DNER: variants seen among roughly 807,000 people sequenced by gnomAD.
DNER encodes delta/notch like EGF repeat containing, also known as delta and Notch-like epidermal growth factor-related receptor.
In DNER, 33 loss-of-function variants were observed where a neutral mutation model predicts 78.2. That is an observed-to-expected ratio of 0.42 (90% CI 0.32 to 0.56). The LOEUF (loss-of-function observed/expected upper bound fraction) is 0.56. DNER is among the 20% of genes least tolerant of loss of function. The pLI, the probability that DNER is intolerant of heterozygous loss-of-function variation, is 0.11. For missense variants in DNER, 918 were observed against 975.3 expected, an observed-to-expected ratio of 0.94 and a Z score of 0.78; for synonymous variants, 417 against 384.8, an observed-to-expected ratio of 1.08 and a Z score of -0.98.
intron 1 of DNER, among the ~76,000 whole-genome samples, chr2:229,656,886 A>C (rs1398660455): frequency 6.6e-6 from 1 of 152,208 alleles, no homozygotes; most frequent in African/African-American, 2.4e-5. Flanking sequence ...AAAATTGTAT[A>C]TATTTGAAGT....
At chr2:229,542,867 T>C (rs1696543504) in intron 5 of DNER, among the ~76,000 whole-genome samples, 1 of 151,744 alleles carries the variant, frequency 6.6e-6, no homozygotes, top group Admixed American at 6.6e-5. Flanking sequence ...AACTTAACAG[T>C]GTGCGCCAAG....
rs376723054 is a variant in DNER, at chr2:229,388,386, G to T, written c.1734C>A (p.Cys578Ter). ...TGTCACATTCATTTATGTCAATGTC[G>T]CACTCTTCACCTAGGGAGATAAGAA... ...ICAPGFTGEE[C>*]DIDINECDSN... The change falls in exon 11 of 13, where the codon TGC (cysteine) becomes TGA (stop). Residue 578 changes from cysteine to a stop codon, truncating the protein, a stop_gained. Coordinates refer to ENST00000341772, the MANE Select transcript of DNER (RefSeq NM_139072.4). LOFTEE classifies it high-confidence loss of function. 6.2e-7 allele frequency: 1 copy of T among 1,608,494 alleles called. No individual in the cohort carries two copies. The highest frequency in any genetic ancestry group is 8.5e-7 in the Non-Finnish European group (1 of 1,177,332).
At chr2:229,517,589 T>C (rs766550160) in intron 5 of DNER, among the ~76,000 whole-genome samples, 19 of 152,160 alleles carry the variant, frequency 1.2e-4, no homozygotes, top group Non-Finnish European at 2.1e-4. Context: ...CAGAAACCAG[T>C]GTCGCTAGAG....
intron 7 of DNER, among the ~76,000 whole-genome samples, chr2:229,456,557 G>C (rs1450436671): frequency 6.6e-6 from 1 of 151,848 alleles, no homozygotes; most frequent in Non-Finnish European, 1.5e-5. Flanking sequence ...TTACACTTCT[G>C]GTCACATGGC....
chr2:229,602,650 C>T (rs887809102), intron 1 of DNER, among the ~76,000 whole-genome samples: 4 of 152,142 alleles, frequency 2.6e-5, no homozygotes, highest in African/African-American at 4.8e-5. Context: ...AAATATTTTG[C>T]ATCTCCATGT....
chr2:229,681,783 T>C (rs1351579773), intron 1 of DNER, among the ~76,000 whole-genome samples: 1 of 150,750 alleles, frequency 6.6e-6, no homozygotes, highest in East Asian at 2.0e-4. Flanking sequence ...TCAAATTCAG[T>C]GGAGTTCATT....
At chr2:229,434,681 G>A (rs1035854242) in intron 8 of DNER, among the ~76,000 whole-genome samples, 25 of 152,080 alleles carry the variant, frequency 1.6e-4, no homozygotes, top group Non-Finnish European at 2.6e-4. Context: ...GAATATATAT[G>A]TTAATAACCT....
At chr2:229,617,357 A>G (rs1698184025) in intron 1 of DNER, among the ~76,000 whole-genome samples, 2 of 152,208 alleles carry the variant, frequency 1.3e-5, no homozygotes, top group Admixed American at 1.3e-4. Context: ...TTAAAACCTC[A>G]TCACCTGTGA....
chr2:229,357,996 A>G lies in DNER; in HGVS notation c.*544T>C, dbSNP rs1692127044. 1 of 152,682 alleles carries G rather than the reference A, an allele frequency of 6.5e-6. No homozygotes were observed. Among genetic ancestry groups the G allele is most frequent in the East Asian group, 1.9e-4 (1 of 5,204 alleles). 9.5% of individuals were successfully genotyped at this position (152,682 alleles called of 1,614,324 possible). A position where few individuals can be genotyped will look rare whatever the true frequency, so the allele number is the denominator to read the frequency against. The stretch of plus-strand genomic sequence containing the variant: ...AAAGAATGTTTCCACAAAGTTCAAC[A>G]AAACAGTGCAGAAATAAGTTACTTA... On this transcript the variant is annotated 3_prime_UTR_variant, in exon 13 of 13. Coordinates refer to ENST00000341772, the MANE Select transcript of DNER (RefSeq NM_139072.4).
intron 7 of DNER, among the ~76,000 whole-genome samples, chr2:229,476,807 T>A (rs995937670): frequency 1.9e-4 from 29 of 149,020 alleles, no homozygotes; most frequent in African/African-American, 7.1e-4. Flanking sequence ...TTGTGTTGAA[T>A]TTTTAAATGT....
intron 5 of DNER, among the ~76,000 whole-genome samples, chr2:229,545,788 T>C (rs1250334129): frequency 3.9e-5 from 6 of 152,188 alleles, no homozygotes; most frequent in African/African-American, 1.4e-4. Flanking sequence ...GTGTTTCTGA[T>C]GCCGGCTCCA....
At chr2:229,650,418 T>C (rs1698795286) in intron 1 of DNER, among the ~76,000 whole-genome samples, 1 of 152,182 alleles carries the variant, frequency 6.6e-6, no homozygotes. Context: ...GGAAAAGGTT[T>C]TGCAAATGAA....
At chr2:229,604,571 G>A (rs1039017554) in intron 1 of DNER, among the ~76,000 whole-genome samples, 1 of 152,144 alleles carries the variant, frequency 6.6e-6, no homozygotes, top group African/African-American at 2.4e-5. Context: ...GGGAGGCTTT[G>A]GGTTGATCCG....
chr2:229,608,179 C>T (rs1250072762), intron 1 of DNER, among the ~76,000 whole-genome samples: 1 of 152,066 alleles, frequency 6.6e-6, no homozygotes, highest in Non-Finnish European at 1.5e-5. Flanking sequence ...TTTTGTAGGA[C>T]AATGTTAAAA....
rs556107048 is a variant in DNER at position 229,450,903 on chromosome 2, A to G, written c.1262-3363T>C. Reference sequence around the variant, plus strand: ...TCCTTGGTCACAGCAGCCTGAGAAGACTCATACAAATAGGGAGCATAAGGA... The same window carrying G: ...TCCTTGGTCACAGCAGCCTGAGAAGGCTCATACAAATAGGGAGCATAAGGA... On this transcript the variant is annotated intron_variant, in intron 7 of 12. Transcript: ENST00000341772. 7.9e-5 allele frequency among the ~76,000 whole-genome samples: 12 copies of G among 152,238 alleles called. No homozygotes were observed. In the East Asian group the frequency reaches 2.1e-3, roughly 27 times the overall value.
rs145551897 is a variant in DNER at position 229,621,312 on chromosome 2, G to A, written c.277-29424C>T. Among the ~76,000 whole-genome samples, 284 of 152,234 alleles carry A rather than the reference G, an allele frequency of 1.9e-3. 2 individuals are homozygous for A. Among genetic ancestry groups the A allele is most frequent in the Non-Finnish European group, 2.5e-3 (172 of 68,034 alleles). On this transcript the variant is annotated intron_variant, in intron 1 of 12. Coordinates refer to ENST00000341772, the MANE Select transcript of DNER (RefSeq NM_139072.4). ...AAGTAGAATCTTCCTAAAGCACAGC[G>A]TTGAAAATTGTATTCACCTGCTGAG... is the stretch of plus-strand genomic sequence containing the variant.
At chr2:229,688,833 G>A (rs937913590) in intron 1 of DNER, among the ~76,000 whole-genome samples, 35 of 152,322 alleles carry the variant, frequency 2.3e-4, no homozygotes, top group African/African-American at 8.4e-4. Context: ...ATGAGATCAT[G>A]TCATTTACAG....
chr2:229,520,466 C>T (rs1178848125), intron 5 of DNER, among the ~76,000 whole-genome samples: 3 of 152,072 alleles, frequency 2.0e-5, no homozygotes, highest in Admixed American at 1.3e-4. Context: ...AAACTACATC[C>T]GGGTTATTCA....
At chr2:229,602,125 T>C (rs953238784) in intron 1 of DNER, among the ~76,000 whole-genome samples, 14 of 152,140 alleles carry the variant, frequency 9.2e-5, no homozygotes, top group African/African-American at 3.1e-4. Context: ...TATCAAACTT[T>C]TTTACAAAAC....
Sources: allele counts gnomAD v4.1 joint callset (sites outside exome capture counted in the v4.1 genomes callset), GRCh38; gene constraint gnomAD v4.1.1; transcripts MANE v1.5; gene names NCBI Gene and HGNC (gene_info 2026-07-23, HGNC 2026-07-21).